SDHB: variants seen among roughly 807,000 people sequenced by gnomAD.
SDHB encodes succinate dehydrogenase [ubiquinone] iron-sulfur subunit, mitochondrial.
In SDHB, 21 loss-of-function variants were observed where a neutral mutation model predicts 39.7. The ratio of observed to expected loss-of-function variants is 0.53; its 90% CI spans 0.37 to 0.76. SDHB has a LOEUF of 0.76. SDHB is among the 30% of genes least tolerant of loss of function. SDHB has a pLI of 0.00. For missense variants in SDHB, 343 were observed against 350.9 expected (o/e 0.98, Z 0.18); for synonymous variants, 118 against 117.0 (o/e 1.01, Z -0.06).
At chr1:17,045,524 G>C (rs1055963282) in intron 1 of SDHB, among the ~76,000 whole-genome samples, 1 of 152,124 alleles carries the variant, frequency 6.6e-6, no homozygotes, top group East Asian at 1.9e-4. Flanking sequence ...GCTTGGGCCC[G>C]AGAGGTTGAG....
intron 1 of SDHB, among the ~76,000 whole-genome samples, chr1:17,046,803 C>T (rs544993333): frequency 5.9e-5 from 9 of 152,208 alleles, no homozygotes; most frequent in South Asian, 4.1e-4. Flanking sequence ...CCACAACCTC[C>T]GCCTCCCCGG....
intron 2 of SDHB, 108 bp downstream of exon 2, chr1:17,044,653 G>T: frequency 1.5e-6 from 2 of 1,314,066 alleles, no homozygotes; most frequent in Non-Finnish European, 2.2e-6. Flanking sequence ...TAAAAACAGA[G>T]CCATCGGATG....
intron 2 of SDHB, among the ~76,000 whole-genome samples, chr1:17,036,325 G>C (rs566700008): frequency 6.6e-6 from 1 of 151,966 alleles, no homozygotes; most frequent in African/African-American, 2.4e-5. Flanking sequence ...TTTGATTTTT[G>C]AGACAGGATC....
intron 5 of SDHB, among the ~76,000 whole-genome samples, chr1:17,026,949 T>C (rs893867338): frequency 1.3e-5 from 2 of 152,118 alleles, no homozygotes; most frequent in East Asian, 3.8e-4. Context: ...AATTTATATA[T>C]ATTTTTACAG....
At chr1:17,024,306 T>C (rs911767844) in intron 5 of SDHB, among the ~76,000 whole-genome samples, 2 of 152,208 alleles carry the variant, frequency 1.3e-5, no homozygotes, top group Non-Finnish European at 2.9e-5. Flanking sequence ...TATAGTGCAC[T>C]TTCCCTTTAA....
intron 2 of SDHB, among the ~76,000 whole-genome samples, chr1:17,043,020 G>A (rs1356336334): frequency 7.8e-6 from 1 of 128,292 alleles, no homozygotes; most frequent in Non-Finnish European, 1.6e-5. Context: ...GGAGTGCAGT[G>A]GCACGATCTC....
intron 2 of SDHB, among the ~76,000 whole-genome samples, chr1:17,034,738 C>T (rs138855459): frequency 1.8e-3 from 276 of 152,236 alleles, no homozygotes; most frequent in African/African-American, 6.4e-3. Context: ...CCTCTGCTAA[C>T]ACTGGGAATT....
At chr1:17,018,992 A>G in intron 7 of SDHB, 34 bp from the exon 8 acceptor site, 1 of 1,517,916 alleles carries the variant, frequency 6.6e-7, no homozygotes, top group Non-Finnish European at 9.1e-7. Context: ...ATAACAAATG[A>G]TAACTGAAAC....
At chr1:17,047,565 C>T (rs1161416216) in intron 1 of SDHB, among the ~76,000 whole-genome samples, 1 of 151,770 alleles carries the variant, frequency 6.6e-6, no homozygotes. Context: ...TGCCTGTAAT[C>T]CCAGCTACTA....
chr1:17,030,883 C>T (rs995025535), intron 3 of SDHB, among the ~76,000 whole-genome samples: 2 of 151,702 alleles, frequency 1.3e-5, no homozygotes, highest in African/African-American at 2.4e-5. Context: ...GGTTTTACCA[C>T]GTTGGTCAGG....
chr1:17,044,319 A>C (rs899120549), intron 2 of SDHB, among the ~76,000 whole-genome samples: 1 of 151,546 alleles, frequency 6.6e-6, no homozygotes, highest in South Asian at 2.1e-4. Context: ...ATCAGGTAAC[A>C]ACCTCATTTT....
intron 6 of SDHB, 114 bp from the exon 7 acceptor site, chr1:17,022,844 C>A: frequency 7.8e-7 from 1 of 1,278,384 alleles, no homozygotes; most frequent in Non-Finnish European, 1.1e-6. Flanking sequence ...AGCTTAGATG[C>A]CTCATCTCCA....
intron 2 of SDHB, among the ~76,000 whole-genome samples, chr1:17,033,926 T>C (rs1435098613): frequency 6.6e-6 from 1 of 152,240 alleles, no homozygotes; most frequent in Admixed American, 6.5e-5. Context: ...AATTACTCTC[T>C]GAACCTCAGT....
chr1:17,027,512 C>T (rs1464500038), intron 5 of SDHB: 1 of 524,932 alleles, frequency 1.9e-6, no homozygotes, highest in Non-Finnish European at 3.5e-6. Flanking sequence ...CACACAGCAA[C>T]CACCCGCCCC....
chr1:17,025,504 T>G (rs2311484), intron 5 of SDHB, among the ~76,000 whole-genome samples: 1,520 of 151,876 alleles, frequency 0.01, 25 homozygotes, highest in African/African-American at 0.035. Flanking sequence ...GGAACTCTTG[T>G]GCTCAAGCAA....
rs561546063 is a variant in SDHB, at chr1:17,048,771, C to T, written c.73-3883G>A. Among the ~76,000 whole-genome samples the T allele has an allele frequency of 7.3e-5, 11 of 151,316 alleles. No individual in the cohort carries two copies. In the South Asian group the frequency reaches 2.3e-3, roughly 32 times the overall value. On this transcript the variant is annotated intron_variant, in intron 1 of 7. Transcript: ENST00000375499. ...TGTCCCCCAGGCTGGAGTACAATGG[C>T]GCGATCTCGGCTCACTGCAACCTCC...
intron 2 of SDHB, among the ~76,000 whole-genome samples, chr1:17,037,352 G>A (rs2078055731): frequency 6.6e-6 from 1 of 150,952 alleles, no homozygotes; most frequent in Non-Finnish European, 1.5e-5. Context: ...CCAGGCTGGA[G>A]TGTAGGGCAT....
intron 1 of SDHB, among the ~76,000 whole-genome samples, chr1:17,046,524 A>T (rs1228307168): frequency 1.3e-5 from 2 of 152,154 alleles, no homozygotes; most frequent in African/African-American, 4.8e-5. Flanking sequence ...TGGCAAACAT[A>T]AGTCCCCTTT....
chr1:17,049,614 C>G (rs1553178994), intron 1 of SDHB, among the ~76,000 whole-genome samples: 1 of 128,732 alleles, frequency 7.8e-6, no homozygotes, highest in African/African-American at 2.9e-5. Flanking sequence ...GGGCTTTAAA[C>G]AGAATCTGGG....
Sources: allele counts gnomAD v4.1 joint callset (sites outside exome capture counted in the v4.1 genomes callset), GRCh38; gene constraint gnomAD v4.1.1; transcripts MANE v1.5; gene names NCBI Gene and HGNC (gene_info 2026-07-23, HGNC 2026-07-21).